The following ARB2A variants were observed in gnomAD, a reference collection of about 807,000 sequenced individuals.
ARB2A encodes ARB2 cotranscriptional regulator A.
chr5:93,761,976 C>T, the ARB2A span, among the ~76,000 whole-genome samples: 1 of 152,168 alleles, frequency 6.6e-6, no homozygotes, highest in African/African-American at 2.4e-5. Flanking sequence ...TTCCAACAGA[C>T]CTGCAGATGA....
chr5:93,825,030 T>C, the ARB2A span, among the ~76,000 whole-genome samples: 2 of 152,214 alleles, frequency 1.3e-5, no homozygotes, highest in Non-Finnish European at 2.9e-5. Context: ...GATTGTGCTT[T>C]GTCTTCAGGA....
chr5:93,806,648 A>T, the ARB2A span, among the ~76,000 whole-genome samples: 16 of 151,956 alleles, frequency 1.1e-4, no homozygotes, highest in Non-Finnish European at 1.5e-4. Context: ...TTCGCTCCAG[A>T]GTTTTTAAAG....
the ARB2A span, among the ~76,000 whole-genome samples, chr5:93,744,432 C>T: frequency 5.5e-3 from 208 of 38,060 alleles, 2 homozygotes; most frequent in South Asian, 0.014. Context: ...GAGACTCAGT[C>T]TCAAAAAAAA....
At chr5:93,706,776 G>T in the ARB2A span, among the ~76,000 whole-genome samples, 4 of 151,584 alleles carry the variant, frequency 2.6e-5, 1 homozygote, top group African/African-American at 9.7e-5. Flanking sequence ...TGAGGCAGGG[G>T]AATTGCTTGA....
the ARB2A span, among the ~76,000 whole-genome samples, chr5:93,759,583 T>C: frequency 6.6e-6 from 1 of 152,184 alleles, no homozygotes; most frequent in Non-Finnish European, 1.5e-5. Flanking sequence ...AATGCAGGGA[T>C]GGTTTAACAT....
chr5:93,838,520 T>G, the ARB2A span, among the ~76,000 whole-genome samples: 1 of 151,992 alleles, frequency 6.6e-6, no homozygotes, highest in African/African-American at 2.4e-5. Flanking sequence ...AAATAGTTCT[T>G]TTTCTGTGAC....
At chr5:93,912,416 T>C in the ARB2A span, among the ~76,000 whole-genome samples, 1 of 151,834 alleles carries the variant, frequency 6.6e-6, no homozygotes, top group South Asian at 2.1e-4. Flanking sequence ...ATTAAACCTC[T>C]GTCTGATTCA....
At chr5:93,830,301 G>A in the ARB2A span, among the ~76,000 whole-genome samples, 567 of 15,120 alleles carry the variant, frequency 0.037, 86 homozygotes, top group African/African-American at 0.067. Flanking sequence ...GTATATATAT[G>A]TGTGTGTGTG....
chr5:93,924,838 G>A, the ARB2A span, among the ~76,000 whole-genome samples: 1 of 152,226 alleles, frequency 6.6e-6, no homozygotes, highest in South Asian at 2.1e-4. Flanking sequence ...AGGCTTCTGA[G>A]AAGACCTCTG....
the ARB2A span, among the ~76,000 whole-genome samples, chr5:93,968,376 T>C: frequency 1.3e-5 from 2 of 152,078 alleles, no homozygotes; most frequent in Non-Finnish European, 2.9e-5. Context: ...GAAACCAAGA[T>C]ACAATAAAAA....
the ARB2A span, among the ~76,000 whole-genome samples, chr5:94,058,609 G>C: frequency 1.3e-5 from 2 of 152,176 alleles, no homozygotes; most frequent in African/African-American, 4.8e-5. Context: ...AATTACAGAA[G>C]ATGAGATGAA....
chr5:93,971,569 A>AAAATAAATAAATAAAT, the ARB2A span, among the ~76,000 whole-genome samples: 129 of 139,368 alleles, frequency 9.3e-4, no homozygotes, highest in East Asian at 1.3e-3. Context: ...CTCCGTCTCA[A>AAAATAAATAAATAAAT]AAATAAATAA....
the ARB2A span, among the ~76,000 whole-genome samples, chr5:93,745,575 A>C: frequency 6.6e-6 from 1 of 151,994 alleles, no homozygotes; most frequent in African/African-American, 2.4e-5. Context: ...ATTCCTCCAA[A>C]TGCATCCCTC....
the ARB2A span, among the ~76,000 whole-genome samples, chr5:93,966,674 T>C: frequency 6.6e-6 from 1 of 152,214 alleles, no homozygotes; most frequent in Admixed American, 6.6e-5. Flanking sequence ...GTGTTCAGCA[T>C]GCTCTCCTCA....
the ARB2A span, among the ~76,000 whole-genome samples, chr5:93,908,899 A>G: frequency 6.6e-6 from 1 of 150,994 alleles, no homozygotes; most frequent in African/African-American, 2.4e-5. Flanking sequence ...AAAATGTAAG[A>G]GCTATTGTAT....
At chr5:94,020,920 T>A in the ARB2A span, among the ~76,000 whole-genome samples, 1 of 152,180 alleles carries the variant, frequency 6.6e-6, no homozygotes, top group East Asian at 1.9e-4. Flanking sequence ...AGCAACATAG[T>A]GCATCCTGTT....
the ARB2A span, chr5:93,738,960 A>G: frequency 6.6e-6 from 1 of 152,230 alleles, no homozygotes; most frequent in South Asian, 2.1e-4. Flanking sequence ...ACACACACAA[A>G]AATAGGCAAA....
At chr5:94,034,762 C>T in the ARB2A span, among the ~76,000 whole-genome samples, 1 of 152,134 alleles carries the variant, frequency 6.6e-6, no homozygotes, top group Non-Finnish European at 1.5e-5. Flanking sequence ...GCGTCCCAAA[C>T]CCCCAGGCCA....
chr5:93,697,247 T>C, the ARB2A span, among the ~76,000 whole-genome samples: 2 of 152,030 alleles, frequency 1.3e-5, no homozygotes, highest in African/African-American at 2.4e-5. Context: ...TAATAATTAC[T>C]AGTTTTCTCT....
Sources: allele counts gnomAD v4.1 joint callset (sites outside exome capture counted in the v4.1 genomes callset), GRCh38; gene constraint gnomAD v4.1.1; transcripts MANE v1.5; gene names NCBI Gene and HGNC (gene_info 2026-07-23, HGNC 2026-07-21).